The following HOOK1 variants were observed in gnomAD, a reference collection of about 807,000 sequenced individuals.
HOOK1 encodes the protein protein Hook homolog 1.
In HOOK1, 60 loss-of-function variants were observed where a neutral mutation model predicts 112.8. The observed-to-expected ratio is 0.53, with a 90% CI of 0.43 to 0.66. The LOEUF is 0.66. HOOK1 is among the 30% of genes least tolerant of loss of function. HOOK1 has a pLI of 0.00. For synonymous variants in HOOK1, 294 were observed against 283.8 expected (o/e 1.04, Z -0.36); for missense variants, 770 against 856.0 (o/e 0.90, Z 1.25).
At chr1:59,862,520 A>AT (rs1057181135) in intron 15 of HOOK1, among the ~76,000 whole-genome samples, 2 of 152,014 alleles carry the variant, frequency 1.3e-5, no homozygotes, top group African/African-American at 2.4e-5. Context: ...CGGTGTAGAA[A>AT]TTTTTTGCCA....
At chr1:59,870,024 G>A (rs1207141295) in intron 20 of HOOK1, among the ~76,000 whole-genome samples, 1 of 152,144 alleles carries the variant, frequency 6.6e-6, no homozygotes, top group East Asian at 1.9e-4. Context: ...CAGGGTTGCA[G>A]CATTATTAGT....
chr1:59,859,996 A>G (rs1011378287), intron 14 of HOOK1, among the ~76,000 whole-genome samples, 192 bp from the exon 15 acceptor site: 1 of 151,942 alleles, frequency 6.6e-6, no homozygotes, highest in Non-Finnish European at 1.5e-5. Flanking sequence ...AGTTTACATA[A>G]TTTTTTCTTA....
At chr1:59,865,751 C>T (rs2102071937) in intron 18 of HOOK1, 121 bp from the exon 19 acceptor site, 1 of 407,308 alleles carries the variant, frequency 2.5e-6, no homozygotes, top group South Asian at 7.4e-5. Context: ...ACAGGCTTTT[C>T]TTTTAAGTTA....
intron 15 of HOOK1, among the ~76,000 whole-genome samples, chr1:59,860,911 C>G (rs1574219626): frequency 1.3e-5 from 2 of 151,836 alleles, no homozygotes; most frequent in African/African-American, 4.8e-5. Flanking sequence ...GTAGATGGGA[C>G]TATAGGCACA....
intron 2 of HOOK1, among the ~76,000 whole-genome samples, chr1:59,823,092 G>A (rs974750077): frequency 4.6e-5 from 7 of 152,202 alleles, no homozygotes; most frequent in African/African-American, 1.7e-4. Flanking sequence ...AGGCCGAGGA[G>A]GGCGAATCAC....
At position 59,874,040 on chromosome 1, in the gene HOOK1, T is replaced by A. The variant is rs1644097188; in HGVS notation, c.*1075T>A. 2 of 151,912 alleles carry A rather than the reference T, an allele frequency of 1.3e-5. No homozygotes were observed. The highest frequency in any genetic ancestry group is 1.3e-4 in the Admixed American group (2 of 15,248). The allele number at this position is 151,912 out of a possible 1,614,324, so 9.4% of individuals were successfully genotyped here. ...AGGTGTTACTTTTGAACTTTTGGGG[T>A]CATTTTTAAAAGTTAGCACTTTTGA... On this transcript the variant is annotated 3_prime_UTR_variant, in exon 22 of 22. Transcript: ENST00000371208.
rs1422885887 is a variant in HOOK1, at chr1:59,815,070, G to T, written c.-48G>T. On this transcript the variant is annotated 5_prime_UTR_variant, in exon 1 of 22. The change creates a new upstream start codon in the 5' untranslated region. Coordinates refer to ENST00000371208, the MANE Select transcript of HOOK1 (RefSeq NM_015888.6). ...GCCGGCTCCTGGAGGAGAGCCGGTA[G>T]GAGGGAGTGTGAAGGTGTCCGCGGC... is the stretch of plus-strand genomic sequence containing the variant. 1 of 1,374,746 alleles carries T rather than the reference G, an allele frequency of 7.3e-7. No individual in the cohort carries two copies. Among genetic ancestry groups the T allele is most frequent in the South Asian group, 1.3e-5 (1 of 78,886 alleles). The allele number at this position is 1,374,746 out of a possible 1,614,324, so 85.2% of individuals were successfully genotyped here.
chr1:59,841,044 T>G (rs1036133206), intron 8 of HOOK1, among the ~76,000 whole-genome samples: 7 of 152,110 alleles, frequency 4.6e-5, no homozygotes, highest in African/African-American at 1.7e-4. Flanking sequence ...TTTTGAGAAA[T>G]GGAGTGATGA....
intron 5 of HOOK1, among the ~76,000 whole-genome samples, chr1:59,835,014 G>A (rs2098396564): frequency 6.6e-6 from 1 of 151,910 alleles, no homozygotes; most frequent in Non-Finnish European, 1.5e-5. Context: ...GCACTATTGA[G>A]CAATTTTGTC....
At position 59,858,465 on chromosome 1, in the gene HOOK1, A is replaced by G. The variant is rs373666588; in HGVS notation, c.1280A>G (p.Asn427Ser). 1 of 1,613,370 alleles carries G rather than the reference A, an allele frequency of 6.2e-7. No individual in the cohort carries two copies. Among genetic ancestry groups the G allele is most frequent in the African/African-American group, 1.3e-5 (1 of 74,914 alleles). Residue 427 changes from asparagine (N) to serine (S), a missense_variant, in exon 13 of 22, where the codon AAT becomes AGT. This residue lies in a region of HOOK1 where 655 missense variants were observed against 725.9 expected (regional missense o/e 0.90). Coordinates refer to ENST00000371208, the MANE Select transcript of HOOK1 (RefSeq NM_015888.6). Reference protein sequence around the residue: ...IEQRDTLKETNEELRCSQVQQ... With the variant: ...IEQRDTLKETSEELRCSQVQQ... ...CAGCGTGATACTTTGAAAGAAACAA[A>G]TGAAGAGCTTCGATGTTCACAAGTA...
chr1:59,844,091 C>G (rs1369285238), intron 9 of HOOK1, among the ~76,000 whole-genome samples: 5 of 151,926 alleles, frequency 3.3e-5, no homozygotes, highest in Non-Finnish European at 7.4e-5. Flanking sequence ...GACAGGCACT[C>G]TAATTGTACT....
Position 59,875,917 on chromosome 1 carries a change from A to G in HOOK1, c.*2952A>G, listed in dbSNP as rs1644121541. The stretch of plus-strand genomic sequence containing the variant: ...TCTGATAATTAGAGTGCTAATTTGA[A>G]TGTTAGATAATGTTTCCACATCTAT... On this transcript the variant is annotated 3_prime_UTR_variant, in exon 22 of 22. Transcript: ENST00000371208. 6.6e-6 allele frequency: 1 copy of G among 152,586 alleles called. No homozygotes were observed. Among genetic ancestry groups the G allele is most frequent in the Non-Finnish European group, 1.5e-5 (1 of 68,022 alleles). 9.5% of individuals were successfully genotyped at this position (152,586 alleles called of 1,614,324 possible).
At chr1:59,849,283 C>T (rs1444240441) in intron 12 of HOOK1, 100 bp downstream of exon 12, 4 of 621,768 alleles carry the variant, frequency 6.4e-6, no homozygotes, top group Non-Finnish European at 1.0e-5. Flanking sequence ...CCAGTTCTCT[C>T]TTCCTCCAGA....
chr1:59,815,969 A>G (rs2098381111), intron 1 of HOOK1, among the ~76,000 whole-genome samples: 1 of 152,210 alleles, frequency 6.6e-6, no homozygotes, highest in Non-Finnish European at 1.5e-5. Context: ...GCAAAATGAC[A>G]TCCCACCTCT....
rs1413485471 is a variant in HOOK1 at position 59,872,802 on chromosome 1, C to T, written c.2024C>T (p.Ala675Val). The T allele has an allele frequency of 1.4e-6, 2 of 1,419,332 alleles. No homozygotes were observed. Among genetic ancestry groups the T allele is most frequent in the East Asian group, 2.7e-5 (1 of 37,626 alleles). The allele number at this position is 1,419,332 out of a possible 1,614,324, so 87.9% of individuals were successfully genotyped here. ...IVSAWYNKSL[A>V]FQKLGMESRL... ...TATGTTTTTTTTTTTCAGAGTCTAGCATTCCAGAAACTGGGGATGGAATCT... is the reference window on the plus strand; with the variant it reads ...TATGTTTTTTTTTTTCAGAGTCTAGTATTCCAGAAACTGGGGATGGAATCT... Residue 675 changes from alanine (A) to valine (V), a missense_variant, in exon 22 of 22, where the codon GCA (alanine) becomes GTA (valine). Physicochemically the swap from Ala to Val is moderately conservative, Grantham distance 64 (BLOSUM62 0). Coordinates refer to ENST00000371208, the MANE Select transcript of HOOK1 (RefSeq NM_015888.6).
At chr1:59,866,145 G>T (rs994007591) in intron 19 of HOOK1, among the ~76,000 whole-genome samples, 173 bp downstream of exon 19, 7 of 152,010 alleles carry the variant, frequency 4.6e-5, no homozygotes, top group African/African-American at 1.7e-4. Context: ...CATACTCTTA[G>T]TCTCACTCAT....
At chr1:59,863,295 T>C (rs2098414575) in intron 16 of HOOK1, among the ~76,000 whole-genome samples, 1 of 152,110 alleles carries the variant, frequency 6.6e-6, no homozygotes, top group Non-Finnish European at 1.5e-5. Flanking sequence ...AACCTTCTAA[T>C]AGGAAAAGAG....
chr1:59,848,450 C>T lies in HOOK1; in HGVS notation c.1065C>T (p.Val355=). The part of the protein sequence containing the change: ...ETNMMYMHNT[V]SLEEELKKAN... ...ACATGATGTATATGCATAATACAGTCAGCTTAGAAGAAGAATTAAAAAAAG... is the reference window on the plus strand; with the variant it reads ...ACATGATGTATATGCATAATACAGTTAGCTTAGAAGAAGAATTAAAAAAAG... Residue 355 remains valine (V), a synonymous_variant, in exon 11 of 22, where the codon GTC becomes GTT. Transcript: ENST00000371208. 5.6e-6 allele frequency: 9 copies of T among 1,610,300 alleles called. No individual in the cohort carries two copies. The highest frequency in any genetic ancestry group is 7.6e-6 in the Non-Finnish European group (9 of 1,177,424).
chr1:59,859,743 C>G (rs17119792), intron 14 of HOOK1, among the ~76,000 whole-genome samples: 2 of 151,814 alleles, frequency 1.3e-5, no homozygotes, highest in Admixed American at 1.3e-4. Flanking sequence ...TTCTTATTGC[C>G]ATTATAAGGT....
Sources: gnomAD v4.1 joint callset for allele counts (sites outside exome capture counted in the v4.1 genomes callset) on GRCh38, gnomAD v4.1.1 for gene constraint, gnomAD v4.1.1 regional missense constraint, MANE v1.5 for transcripts, NCBI Gene and HGNC (gene_info 2026-07-23, HGNC 2026-07-21) for gene names.